The following UGT8 variants were observed in gnomAD, a reference collection of about 807,000 sequenced individuals.
UGT8 encodes the protein 2-hydroxyacylsphingosine 1-beta-galactosyltransferase.
In UGT8, 12 loss-of-function variants were observed where a neutral mutation model predicts 40.5. The ratio of observed to expected loss-of-function variants is 0.30; its 90% CI spans 0.19 to 0.48. The LOEUF (loss-of-function observed/expected upper bound fraction) is 0.48. Among genes scored for constraint, UGT8 ranks in the 20% least tolerant of loss-of-function variants. UGT8 has a pLI of 0.99. For missense variants in UGT8, 513 were observed against 648.7 expected, an observed-to-expected ratio of 0.79 and a Z score of 2.27; for synonymous variants, 224 against 240.4, an observed-to-expected ratio of 0.93 and a Z score of 0.63.
intron 2 of UGT8, among the ~76,000 whole-genome samples, chr4:114,644,172 C>T (rs570503482): frequency 5.5e-4 from 83 of 152,190 alleles, no homozygotes; most frequent in Non-Finnish European, 1.0e-3. Flanking sequence ...AGCCTGAATT[C>T]CCTCTCAAAG....
intron 5 of UGT8, among the ~76,000 whole-genome samples, chr4:114,673,245 C>A (rs1004948508): frequency 6.6e-6 from 1 of 152,146 alleles, no homozygotes; most frequent in Non-Finnish European, 1.5e-5. Context: ...AAACTATGCT[C>A]ATGGGACAAT....
chr4:114,675,077 CT>C (rs1299673620), intron 5 of UGT8, among the ~76,000 whole-genome samples: 1 of 152,120 alleles, frequency 6.6e-6, no homozygotes, highest in Non-Finnish European at 1.5e-5. Flanking sequence ...AACATCAAAT[CT>C]GACTTCATGG....
chr4:114,637,604 T>G (rs1343440795), intron 2 of UGT8, among the ~76,000 whole-genome samples: 1 of 151,948 alleles, frequency 6.6e-6, no homozygotes, highest in Non-Finnish European at 1.5e-5. Flanking sequence ...CACCAAGAGC[T>G]AGAAAGAAAG....
chr4:114,626,025 A>T (rs773187652), intron 2 of UGT8, among the ~76,000 whole-genome samples: 1 of 152,198 alleles, frequency 6.6e-6, no homozygotes, highest in Non-Finnish European at 1.5e-5. Flanking sequence ...TAGTATGTGG[A>T]CATAGATAAG....
intron 2 of UGT8, among the ~76,000 whole-genome samples, chr4:114,633,667 C>T (rs911944196): frequency 6.6e-6 from 1 of 152,168 alleles, no homozygotes; most frequent in Admixed American, 6.5e-5. Flanking sequence ...CACTCTGGGC[C>T]AGGTATGGTG....
intron 1 of UGT8, among the ~76,000 whole-genome samples, chr4:114,614,363 T>A (rs1399287968): frequency 6.6e-6 from 1 of 152,216 alleles, no homozygotes; most frequent in East Asian, 1.9e-4. Context: ...ATTTCATGTG[T>A]GTAAAGAAAG....
intron 1 of UGT8, among the ~76,000 whole-genome samples, chr4:114,608,751 A>G (rs1730877084): frequency 6.6e-6 from 1 of 152,222 alleles, no homozygotes; most frequent in Non-Finnish European, 1.5e-5. Context: ...TAATGCTAAT[A>G]AAAGAAAATA....
chr4:114,607,153 A>G (rs1234253209), intron 1 of UGT8, among the ~76,000 whole-genome samples: 2 of 152,196 alleles, frequency 1.3e-5, no homozygotes, highest in African/African-American at 4.8e-5. Flanking sequence ...GCATAGCCCT[A>G]TAGGTAGTAG....
At chr4:114,661,494 G>C (rs984016786) in intron 2 of UGT8, among the ~76,000 whole-genome samples, 1 of 152,158 alleles carries the variant, frequency 6.6e-6, no homozygotes, top group Admixed American at 6.5e-5. Context: ...CGTGAGTTCA[G>C]CAAATTTAAG....
chr4:114,599,278 C>T (rs1213706107), intron 1 of UGT8, among the ~76,000 whole-genome samples: 1 of 152,124 alleles, frequency 6.6e-6, no homozygotes, highest in Non-Finnish European at 1.5e-5. Context: ...AGGGTTCTCT[C>T]GCGTTTGTGC....
At chr4:114,674,943 A>T (rs945233473) in intron 5 of UGT8, among the ~76,000 whole-genome samples, 1 of 152,248 alleles carries the variant, frequency 6.6e-6, no homozygotes, top group Non-Finnish European at 1.5e-5. Context: ...TTAGATTAAA[A>T]TAAAATGCTT....
At chr4:114,600,408 A>G (rs1459271245) in intron 1 of UGT8, among the ~76,000 whole-genome samples, 1 of 152,190 alleles carries the variant, frequency 6.6e-6, no homozygotes, top group Non-Finnish European at 1.5e-5. Flanking sequence ...TTCATGTTCA[A>G]AAACGTCTAT....
rs138194865 is a variant in UGT8 at position 114,676,597 on chromosome 4, G to A, written c.*309G>A. 1,300 of 248,248 alleles carry A rather than the reference G, an allele frequency of 5.2e-3. 9 individuals carry two copies. Among genetic ancestry groups the A allele is most frequent in the Admixed American group, 9.1e-3 (176 of 19,290 alleles). 15.4% of individuals were successfully genotyped at this position (248,248 alleles called of 1,614,324 possible). A position where few individuals can be genotyped will look rare whatever the true frequency, so the allele number is the denominator to read the frequency against. ...TTAAATCTTGATATGTGCGTGTCCC[G>A]GATCAGGAATGGTTTCATTTTTCTT... is the stretch of plus-strand genomic sequence containing the variant. On this transcript the variant is annotated 3_prime_UTR_variant, in exon 6 of 6. Transcript: ENST00000310836.
chr4:114,666,116 CAAT>C (rs1443712926), intron 4 of UGT8, among the ~76,000 whole-genome samples: 1 of 151,930 alleles, frequency 6.6e-6, no homozygotes, highest in Admixed American at 6.6e-5. Context: ...ACAGTTAAAA[CAAT>C]AAGAATGTAG....
chr4:114,670,332 G>A lies in UGT8; in HGVS notation c.1262+2028G>A, dbSNP rs1167565604. Among the ~76,000 whole-genome samples the A allele has an allele frequency of 3.4e-5, 5 of 148,150 alleles. No individual in the cohort carries two copies. In the South Asian group the frequency reaches 6.5e-4, roughly 19 times the overall value. On this transcript the variant is annotated intron_variant, in intron 5 of 5. Transcript: ENST00000310836. Reference sequence around the variant, plus strand: ...TGTAGTCCCAGCTACTGGGGAGGCTGAGGCAGGAGAATGGCGTGAACCTGG... The same window carrying A: ...TGTAGTCCCAGCTACTGGGGAGGCTAAGGCAGGAGAATGGCGTGAACCTGG...
intron 2 of UGT8, among the ~76,000 whole-genome samples, chr4:114,658,366 A>T (rs1734314951): frequency 6.6e-6 from 1 of 152,204 alleles, no homozygotes; most frequent in Non-Finnish European, 1.5e-5. Context: ...GATGGGGCCA[A>T]CAAAGGATGC....
At chr4:114,634,397 C>T (rs1198934437) in intron 2 of UGT8, among the ~76,000 whole-genome samples, 1 of 152,032 alleles carries the variant, frequency 6.6e-6, no homozygotes, top group East Asian at 1.9e-4. Context: ...ATAGTAAAGC[C>T]ATGGAAATAA....
rs374033067 is a variant in UGT8, at chr4:114,665,653, A to C, written c.966-27A>C. ...CTATGAGTAAGGTTTGATTTTTAAAAGACTAATTGTCTGGTGTACATTTTA... is the reference window on the plus strand; with the variant it reads ...CTATGAGTAAGGTTTGATTTTTAAACGACTAATTGTCTGGTGTACATTTTA... On this transcript the variant is annotated intron_variant, in intron 3 of 5. Transcript: ENST00000310836. 47 of 1,571,506 alleles carry C rather than the reference A, an allele frequency of 3.0e-5. No individual in the cohort carries two copies. The Middle Eastern group carries it at 1.4e-3, about 46-fold the overall frequency.
At chr4:114,616,305 G>A (rs1007833460) in intron 1 of UGT8, among the ~76,000 whole-genome samples, 6 of 152,076 alleles carry the variant, frequency 3.9e-5, no homozygotes, top group Non-Finnish European at 8.8e-5. Flanking sequence ...AGTGGCGGGC[G>A]CCCCTCCCCT....
Sources: allele counts gnomAD v4.1 joint callset (sites outside exome capture counted in the v4.1 genomes callset), GRCh38; gene constraint gnomAD v4.1.1; transcripts MANE v1.5; gene names NCBI Gene and HGNC (gene_info 2026-07-23, HGNC 2026-07-21).